The following CEP350 variants were observed in gnomAD, a reference collection of about 807,000 sequenced individuals.
The protein encoded by CEP350 is centrosome-associated protein 350.
CEP350 carries 126 observed loss-of-function variants against 331.8 expected under a neutral mutation model. That is an observed-to-expected ratio of 0.38 (90% CI 0.33 to 0.44). CEP350 has a LOEUF of 0.44. Among genes scored for constraint, CEP350 ranks in the 20% least tolerant of loss-of-function variants. The pLI, the probability that CEP350 is intolerant of heterozygous loss-of-function variation, is 1.00. For missense variants in CEP350, 3,406 were observed against 3,634.6 expected (o/e 0.94, Z 1.62); for synonymous variants, 1,200 against 1,259.5 (o/e 0.95, Z 1.00).
intron 25 of CEP350, among the ~76,000 whole-genome samples, chr1:180,055,554 T>TC (rs946355498): frequency 1.4e-5 from 2 of 143,956 alleles, no homozygotes; most frequent in African/African-American, 2.6e-5. Flanking sequence ...ATCTTTTTTT[T>TC]TTTTTTTTTT....
chr1:179,982,893 C>T (rs567627960), intron 1 of CEP350, among the ~76,000 whole-genome samples: 63 of 152,214 alleles, frequency 4.1e-4, no homozygotes, highest in African/African-American at 9.6e-4. Context: ...CTGGTTCAAA[C>T]GATTCTCCTG....
intron 1 of CEP350, among the ~76,000 whole-genome samples, chr1:179,960,301 C>T (rs1209066634): frequency 6.6e-6 from 1 of 151,480 alleles, no homozygotes; most frequent in Non-Finnish European, 1.5e-5. Context: ...GGAGAAAAGC[C>T]ACACAGACAT....
rs759463345 is a variant in CEP350 at position 180,003,188 on chromosome 1, G to A, written c.1033G>A (p.Glu345Lys). Reference sequence around the variant, plus strand: ...GTATGTATTAGGTTTCAACCCTTCAGAGACCAAGATTCGAACACCTGATGG... The same window carrying A: ...GTATGTATTAGGTTTCAACCCTTCAAAGACCAAGATTCGAACACCTGATGG... ...APAYKGFNPSETKIRTPDGKV... is the reference protein window; with the variant it reads ...APAYKGFNPSKTKIRTPDGKV... Residue 345 changes from glutamate to lysine, a missense_variant, in exon 7 of 38, where the codon GAG (glutamate) becomes AAG (lysine). Glu to Lys is a moderately conservative substitution (Grantham distance 56, BLOSUM62 1). Around this residue, in one of 5 missense-constraint regions of CEP350, gnomAD observed 1,857 missense variants for 1,909.2 expected, o/e 0.97. Transcript: ENST00000367607. 6.2e-6 allele frequency: 10 copies of A among 1,612,332 alleles called. No homozygotes were observed. Among genetic ancestry groups the A allele is most frequent in the South Asian group, 1.1e-5 (1 of 90,778 alleles).
chr1:180,022,748 G>A lies in CEP350; in HGVS notation c.3286G>A (p.Ala1096Thr), dbSNP rs746936469. The change falls in exon 13 of 38, where the codon GCC becomes ACC. Residue 1096 changes from alanine (A) to threonine (T), a missense_variant. Ala to Thr is a moderately conservative substitution (Grantham distance 58, BLOSUM62 0). This residue lies in a region of CEP350 where 1,857 missense variants were observed against 1,909.2 expected (regional missense o/e 0.97). Coordinates refer to ENST00000367607, the MANE Select transcript of CEP350 (RefSeq NM_014810.5). ...AACATCAACATCACGGCCTTTGAATGCCACCGCAACTCCTCTAAGTGGTGT... is the reference window on the plus strand; with the variant it reads ...AACATCAACATCACGGCCTTTGAATACCACCGCAACTCCTCTAAGTGGTGT... ...RGTSTSRPLN[A>T]TATPLSGVSY... 3 of 1,611,832 alleles carry A rather than the reference G, an allele frequency of 1.9e-6. No individual in the cohort carries two copies. Among genetic ancestry groups the A allele is most frequent in the Non-Finnish European group, 2.5e-6 (3 of 1,178,822 alleles).
At position 179,986,377 on chromosome 1, in the gene CEP350, A is replaced by G. The variant is rs1652646836; in HGVS notation, c.73+123A>G. 1.2e-5 allele frequency: 7 copies of G among 589,436 alleles called. No homozygotes were observed. The South Asian group carries it at 1.8e-4, about 15-fold the overall frequency. 36.5% of individuals were successfully genotyped at this position (589,436 alleles called of 1,614,324 possible). A position where few individuals can be genotyped will look rare whatever the true frequency, so the allele number is the denominator to read the frequency against. ...TTATAGAAAGTGGATAAATCATTTT[A>G]AAATTCTCTTATATTTTAAATATAC... is the stretch of plus-strand genomic sequence containing the variant. On this transcript the variant is annotated intron_variant, in intron 2 of 37. Transcript: ENST00000367607.
chr1:180,024,237 A>G (rs1475444504), intron 13 of CEP350, among the ~76,000 whole-genome samples, 182 bp from the exon 14 acceptor site: 1 of 152,140 alleles, frequency 6.6e-6, no homozygotes, highest in Admixed American at 6.6e-5. Flanking sequence ...TTTTCTTAGT[A>G]ATAAATTGAA....
intron 2 of CEP350, 99 bp from the exon 3 acceptor site, chr1:179,987,141 A>G (rs1652696508): frequency 1.5e-6 from 1 of 665,612 alleles, no homozygotes; most frequent in Non-Finnish European, 2.6e-6. Flanking sequence ...TAGTTTTCAG[A>G]CTTTTGAGTG....
rs761661526 is a variant in CEP350 at position 180,020,845 on chromosome 1, G to A, written c.3071G>A (p.Ser1024Asn). ...EKEFCPGERN[S>N]YEPIKEFQKE... ...GAATTTTGTCCTGGAGAAAGAAATA[G>A]TTATGAACCCATCAAAGAGTTTCAG... is the stretch of plus-strand genomic sequence containing the variant. Residue 1024 changes from serine to asparagine, a missense_variant, in exon 12 of 38, where the codon AGT becomes AAT. Physicochemically the swap from Ser to Asn is conservative, Grantham distance 46. Transcript: ENST00000367607. 55 of 1,613,730 alleles carry A rather than the reference G, an allele frequency of 3.4e-5. No homozygotes were observed. The South Asian group carries it at 5.4e-4, about 16-fold the overall frequency.
chr1:180,093,755 C>T lies in CEP350; in HGVS notation c.7650C>T (p.Cys2550=), dbSNP rs1288824441. The T allele has an allele frequency of 1.9e-6, 3 of 1,613,686 alleles. No individual in the cohort carries two copies. The highest frequency in any genetic ancestry group is 2.5e-6 in the Non-Finnish European group (3 of 1,179,808). ...GTYDGIAYFE[C]KEKHGIFAPP... is the part of the protein sequence containing the mutation. The stretch of plus-strand genomic sequence containing the variant: ...ATGATGGTATTGCATATTTTGAGTG[C>T]AAAGAAAAGCATGGTATTTTTGCTC... Residue 2550 remains cysteine, a synonymous_variant, in exon 34 of 38, where the codon TGC becomes TGT. Coordinates refer to ENST00000367607, the MANE Select transcript of CEP350 (RefSeq NM_014810.5).
At chr1:179,979,620 C>T (rs1245209275) in intron 1 of CEP350, among the ~76,000 whole-genome samples, 1 of 151,902 alleles carries the variant, frequency 6.6e-6, no homozygotes, top group East Asian at 1.9e-4. Context: ...AAATCTTTTA[C>T]TAGACCAGTG....
At chr1:180,108,555 T>C (rs1362499521) in intron 37 of CEP350, among the ~76,000 whole-genome samples, 2 of 152,142 alleles carry the variant, frequency 1.3e-5, no homozygotes, top group African/African-American at 4.8e-5. Context: ...AAAGGAAAGC[T>C]GCGCAACTTT....
At chr1:179,991,187 G>C (rs1314398533) in intron 4 of CEP350, among the ~76,000 whole-genome samples, 2 of 151,216 alleles carry the variant, frequency 1.3e-5, no homozygotes, top group African/African-American at 2.4e-5. Context: ...TTGACTTAAC[G>C]TATATTTTTC....
At chr1:180,080,425 T>C in intron 29 of CEP350, 92 bp from the exon 30 acceptor site, 1 of 1,104,970 alleles carries the variant, frequency 9.1e-7, no homozygotes. Flanking sequence ...TCTTTGTAAA[T>C]GTTATCTTTA....
chr1:180,020,697 C>CTT lies in CEP350; in HGVS notation c.2924_2925dup (p.Gly976LeufsTer5), dbSNP rs1558106134. ...TTCTCAAGACAAAGCCAAAATATCT[C>CTT]TTGGTTCCAGCATAGATTCAGTCAG... On this transcript the variant is annotated frameshift_variant, in exon 12 of 38. Coordinates refer to ENST00000367607, the MANE Select transcript of CEP350 (RefSeq NM_014810.5). LOFTEE classifies it high-confidence loss of function. The CTT allele has an allele frequency of 6.2e-7, 1 of 1,613,980 alleles. No homozygotes were observed. The highest frequency in any genetic ancestry group is 1.7e-5 in the Admixed American group (1 of 60,026).
At chr1:180,080,492 T>C (rs760933729) in intron 29 of CEP350, 25 bp from the exon 30 acceptor site, 1 of 1,600,948 alleles carries the variant, frequency 6.2e-7, no homozygotes, top group South Asian at 1.1e-5. Context: ...AAAAATAGTT[T>C]CCATTTGGTT....
chr1:180,039,364 T>G (rs1448515953), intron 17 of CEP350, among the ~76,000 whole-genome samples: 3 of 152,222 alleles, frequency 2.0e-5, no homozygotes, highest in South Asian at 2.1e-4. Flanking sequence ...TACTAAGATA[T>G]CTTAACATTC....
Position 180,075,018 on chromosome 1 carries a change from A to G in CEP350, c.5568-4A>G, listed in dbSNP as rs377045318. 19 of 1,607,200 alleles carry G rather than the reference A, an allele frequency of 1.2e-5. No homozygotes were observed. Among genetic ancestry groups the G allele is most frequent in the African/African-American group, 1.1e-4 (8 of 74,544 alleles). The stretch of plus-strand genomic sequence containing the variant: ...TCAAACTGTTCTTCATGGTGTGACC[A>G]TAGGTTTCTGACAAAGCGGGAGCAA... On this transcript the variant is annotated splice_region_variant and splice_polypyrimidine_tract_variant and intron_variant, in intron 27 of 37. Transcript: ENST00000367607.
At position 180,094,100 on chromosome 1, in the gene CEP350, AAAC is replaced by A; in HGVS notation, c.7998_8000del (p.Asn2666del). ...TGGATTCACAGATTTCTTCAAAGGAAAACAAAGACCTCATTTCTGATGCCACAG... is the reference window on the plus strand; with the variant it reads ...TGGATTCACAGATTTCTTCAAAGGAAAAAGACCTCATTTCTGATGCCACAG... On this transcript the variant is annotated inframe_deletion, in exon 34 of 38. Coordinates refer to ENST00000367607, the MANE Select transcript of CEP350 (RefSeq NM_014810.5). 1.2e-6 allele frequency: 2 copies of A among 1,613,960 alleles called. No homozygotes were observed. Among genetic ancestry groups the A allele is most frequent in the Non-Finnish European group, 1.7e-6 (2 of 1,179,852 alleles).
At chr1:180,100,971 G>A (rs1415058772) in intron 37 of CEP350, among the ~76,000 whole-genome samples, 1 of 152,214 alleles carries the variant, frequency 6.6e-6, no homozygotes, top group Non-Finnish European at 1.5e-5. Flanking sequence ...TGGGGACACA[G>A]CCAAACCATA....
Sources: gnomAD v4.1 joint callset for allele counts (sites outside exome capture counted in the v4.1 genomes callset) on GRCh38, gnomAD v4.1.1 for gene constraint, gnomAD v4.1.1 regional missense constraint, MANE v1.5 for transcripts, NCBI Gene and HGNC (gene_info 2026-07-23, HGNC 2026-07-21) for gene names.